The following FYB1 variants were observed in gnomAD, a reference collection of about 807,000 sequenced individuals.
The protein encoded by FYB1 is FYN-binding protein 1.
A neutral mutation model predicts 94.1 loss-of-function variants in FYB1; 41 were observed. The ratio of observed to expected loss-of-function variants is 0.44; its 90% CI spans 0.34 to 0.57. FYB1 has a LOEUF of 0.57. Among genes scored for constraint, FYB1 ranks in the 20% least tolerant of loss-of-function variants. FYB1 has a pLI of 0.02. For missense variants in FYB1, 1,050 were observed against 976.8 expected (o/e 1.07, Z -1.00); for synonymous variants, 367 against 353.2 (o/e 1.04, Z -0.44).
chr5:39,193,852 A>T (rs1331688156), intron 2 of FYB1, among the ~76,000 whole-genome samples: 7 of 152,208 alleles, frequency 4.6e-5, no homozygotes. Context: ...CACAGCTAAC[A>T]TTTATGCCAC....
At chr5:39,197,768 A>C (rs1406783587) in intron 2 of FYB1, among the ~76,000 whole-genome samples, 2 of 152,212 alleles carry the variant, frequency 1.3e-5, no homozygotes, top group Non-Finnish European at 2.9e-5. Context: ...ATCTGGGGGC[A>C]CTTGTGACCT....
chr5:39,247,712 A>G (rs1179545024), intron 1 of FYB1, among the ~76,000 whole-genome samples: 1 of 151,862 alleles, frequency 6.6e-6, no homozygotes, highest in African/African-American at 2.4e-5. Flanking sequence ...AATATATTAC[A>G]TGGTGAAGTA....
At chr5:39,152,643 G>C (rs925133216) in intron 3 of FYB1, among the ~76,000 whole-genome samples, 1 of 152,118 alleles carries the variant, frequency 6.6e-6, no homozygotes, top group African/African-American at 2.4e-5. Context: ...ATTCCAACCT[G>C]CCACTCGCTT....
intron 3 of FYB1, among the ~76,000 whole-genome samples, chr5:39,150,356 C>T (rs557079248): frequency 1.3e-5 from 2 of 152,332 alleles, no homozygotes; most frequent in South Asian, 4.1e-4. Flanking sequence ...GTTCTATCTC[C>T]CTGTACCTGC....
intron 3 of FYB1, among the ~76,000 whole-genome samples, chr5:39,145,212 A>T (rs1742540683): frequency 6.6e-6 from 1 of 152,214 alleles, no homozygotes; most frequent in Non-Finnish European, 1.5e-5. Context: ...ATCTAATTGC[A>T]AATGCTATTG....
chr5:39,238,577 G>T (rs909745856), intron 1 of FYB1, among the ~76,000 whole-genome samples: 5 of 151,968 alleles, frequency 3.3e-5, no homozygotes, highest in African/African-American at 1.2e-4. Context: ...GGACAATGAG[G>T]TCTCTGTAGT....
intron 3 of FYB1, among the ~76,000 whole-genome samples, chr5:39,151,131 G>A (rs1743211590): frequency 6.6e-6 from 1 of 151,892 alleles, no homozygotes; most frequent in Non-Finnish European, 1.5e-5. Context: ...TTTCTATTAG[G>A]TTGGTGCAAA....
At chr5:39,216,327 T>C (rs946246036) in intron 1 of FYB1, among the ~76,000 whole-genome samples, 5 of 152,222 alleles carry the variant, frequency 3.3e-5, no homozygotes, top group African/African-American at 1.2e-4. Context: ...ATCTCTAATA[T>C]AAAAATAGTG....
At chr5:39,205,407 C>T (rs1421890910) in intron 1 of FYB1, among the ~76,000 whole-genome samples, 5 of 152,296 alleles carry the variant, frequency 3.3e-5, no homozygotes, top group Non-Finnish European at 5.9e-5. Context: ...AAACAACTTG[C>T]TGTGTGTAAA....
intron 2 of FYB1, chr5:39,169,860 C>A (rs370516120): frequency 4.5e-4 from 245 of 542,892 alleles, no homozygotes; most frequent in Non-Finnish European, 6.8e-4. Context: ...TAACACTTGA[C>A]GTCCAAGAAC....
chr5:39,173,441 G>C (rs1745437414), intron 2 of FYB1, among the ~76,000 whole-genome samples: 1 of 152,032 alleles, frequency 6.6e-6, no homozygotes, highest in Non-Finnish European at 1.5e-5. Context: ...CTTTAATTAG[G>C]TCTCACTTGT....
intron 16 of FYB1, among the ~76,000 whole-genome samples, chr5:39,112,773 C>T (rs572245255): frequency 1.3e-5 from 2 of 152,188 alleles, no homozygotes; most frequent in African/African-American, 4.8e-5. Context: ...CTTAGATTCT[C>T]AACCTGTATT....
At chr5:39,151,007 G>A (rs573361094) in intron 3 of FYB1, among the ~76,000 whole-genome samples, 89 of 151,104 alleles carry the variant, frequency 5.9e-4, no homozygotes, top group African/African-American at 2.1e-3. Flanking sequence ...TACATAAGCT[G>A]ACTCTTTCCC....
rs1239337719 is a variant in FYB1, at chr5:39,113,144, AT to A, written c.2402-2756del. Among the ~76,000 whole-genome samples, 3 of 152,170 alleles carry A rather than the reference AT, an allele frequency of 2.0e-5. No individual in the cohort carries two copies. The South Asian group carries it at 6.2e-4, about 31-fold the overall frequency. ...TGTCAAAACAAGTGACTTACCATAA[AT>A]TTTTATATAATCTCTCCATTATAGG... On this transcript the variant is annotated intron_variant, in intron 16 of 18. Transcript: ENST00000512982.
rs771964021 is a variant in FYB1 at position 39,202,723 on chromosome 5, G to A, written c.238C>T (p.Pro80Ser). The change falls in exon 2 of 19, where the codon CCC becomes TCC. Residue 80 changes from proline (P) to serine (S), a missense_variant. Coordinates refer to ENST00000512982, the MANE Select transcript of FYB1 (RefSeq NM_001465.6). Reference protein sequence around the residue: ...SEEKPDKEPKPPFLKPTGAGQ... With the variant: ...SEEKPDKEPKSPFLKPTGAGQ... ...GCTCCAGTGGGCTTTAGAAACGGGG[G>A]CTTGGGTTCCTTGTCAGGCTTTTCC... 9.3e-6 allele frequency: 15 copies of A among 1,613,932 alleles called. No individual in the cohort carries two copies. The Admixed American group carries it at 1.7e-4, about 18-fold the overall frequency.
intron 2 of FYB1, among the ~76,000 whole-genome samples, chr5:39,181,261 G>A (rs1746198876): frequency 6.6e-6 from 1 of 152,298 alleles, no homozygotes; most frequent in Non-Finnish European, 1.5e-5. Flanking sequence ...AGATGAAAAT[G>A]TTCAAATGTT....
intron 1 of FYB1, among the ~76,000 whole-genome samples, chr5:39,251,789 AC>A (rs1751722822): frequency 6.6e-6 from 1 of 152,064 alleles, no homozygotes; most frequent in South Asian, 2.1e-4. Flanking sequence ...AATGAGGGAC[AC>A]TAGTTCTATT....
chr5:39,130,447 GCTCATGATGAT>G, intron 10 of FYB1, 132 bp downstream of exon 10: 1 of 650,230 alleles, frequency 1.5e-6, no homozygotes, highest in Non-Finnish European at 2.7e-6. Flanking sequence ...AATGATAAAT[GCTCATGATGAT>G]GGATAGCCTA....
At chr5:39,254,964 G>A (rs77432774) in intron 1 of FYB1, among the ~76,000 whole-genome samples, 1,578 of 152,206 alleles carry the variant, frequency 0.01, 17 homozygotes, top group African/African-American at 0.035. Context: ...AGGCAGAAAT[G>A]GAAAGGCCTT....
Sources: allele counts gnomAD v4.1 joint callset (sites outside exome capture counted in the v4.1 genomes callset), GRCh38; gene constraint gnomAD v4.1.1; transcripts MANE v1.5; gene names NCBI Gene and HGNC (gene_info 2026-07-23, HGNC 2026-07-21).